Variants in RBM44 observed in about 807,000 individuals in gnomAD.
The protein encoded by RBM44 is RNA-binding protein 44.
A neutral mutation model predicts 105.1 loss-of-function variants in RBM44; 66 were observed. The observed-to-expected ratio is 0.63, with a 90% CI of 0.52 to 0.77. The LOEUF (loss-of-function observed/expected upper bound fraction) is 0.77. Ranked by LOEUF, RBM44 falls within the 30% of genes least tolerant of loss-of-function variation. The probability of loss-of-function intolerance (pLI) is 0.00; values close to 1 mark genes in which losing one functional copy is unlikely to be tolerated. For missense variants in RBM44, 1,122 were observed against 1,207.8 expected, an observed-to-expected ratio of 0.93 and a Z score of 1.05; for synonymous variants, 365 against 417.6, an observed-to-expected ratio of 0.87 and a Z score of 1.54.
chr2:237,830,660 ATGATCCTATTTCTGT>A (rs1183989166), intron 13 of RBM44, among the ~76,000 whole-genome samples: 18 of 152,174 alleles, frequency 1.2e-4, no homozygotes, highest in Non-Finnish European at 2.4e-4. Context: ...TGTTAAAAAG[ATGATCCTATTTCTGT>A]TGAATTACCT....
rs1257996364 is a variant in RBM44, at chr2:237,816,993, A to G, written c.74A>G (p.Asp25Gly). Residue 25 changes from aspartate (D) to glycine (G), a missense_variant and splice_region_variant, in exon 3 of 16, where the codon GAT (aspartate) becomes GGT (glycine). By Grantham distance (94) the Asp-to-Gly change is moderately conservative. Transcript: ENST00000316997. The part of the protein sequence containing the change: ...YHSNGGNLQK[D>G]KPSNPKKENL... ...ATGTTTTTATCCTTTTTTTAATCAG[A>G]TAAACCTTCAAATCCAAAGAAAGAA... 19 of 1,497,398 alleles carry G rather than the reference A, an allele frequency of 1.3e-5. No homozygotes were observed. In the Admixed American group the frequency reaches 4.3e-4, roughly 34 times the overall value. 92.8% of individuals were successfully genotyped at this position (1,497,398 alleles called of 1,614,324 possible).
At chr2:237,836,438 T>C (rs2061960166) in intron 15 of RBM44, among the ~76,000 whole-genome samples, 1 of 152,138 alleles carries the variant, frequency 6.6e-6, no homozygotes, top group South Asian at 2.1e-4. Context: ...TCCTAAGTGC[T>C]AGAACTACAG....
chr2:237,823,014 A>C lies in RBM44; in HGVS notation c.2206-426A>C, dbSNP rs186585940. Among the ~76,000 whole-genome samples, 935 of 152,128 alleles carry C rather than the reference A, an allele frequency of 6.1e-3. 5 individuals carry two copies. The highest frequency in any genetic ancestry group is 9.5e-3 in the Non-Finnish European group (646 of 67,922). ...TAAATGTAAACAATAACTATTACAT[A>C]TAGGAAAGAAATATTGCTTCTCGTA... On this transcript the variant is annotated intron_variant, in intron 8 of 15. Coordinates refer to ENST00000316997, the MANE Select transcript of RBM44 (RefSeq NM_001080504.3).
chr2:237,829,377 TC>T lies in RBM44; in HGVS notation c.2762del (p.Ser921Ter). The T allele has an allele frequency of 2.5e-6, 4 of 1,613,680 alleles. No homozygotes were observed. Among genetic ancestry groups the T allele is most frequent in the Non-Finnish European group, 3.4e-6 (4 of 1,179,710 alleles). On this transcript the variant is annotated frameshift_variant, in exon 13 of 16. Coordinates refer to ENST00000316997, the MANE Select transcript of RBM44 (RefSeq NM_001080504.3). LOFTEE classifies it high-confidence loss of function. The part of the protein sequence containing the change: ...LSSKNGNRIS[S>X]NNLEKSTNKQ... ...CTCCAAAAATGGGAATAGAATTAGT[TC>T]GAATAATTTAGAGAAAAGCACCAAC...
chr2:237,810,827 A>G (rs1279723041), intron 1 of RBM44, among the ~76,000 whole-genome samples: 1 of 152,122 alleles, frequency 6.6e-6, no homozygotes, highest in African/African-American at 2.4e-5. Flanking sequence ...GCTTAGGAGG[A>G]TCTGAGGGTG....
At chr2:237,800,971 G>A (rs1038601929) in intron 1 of RBM44, among the ~76,000 whole-genome samples, 6 of 152,126 alleles carry the variant, frequency 3.9e-5, no homozygotes, top group Non-Finnish European at 5.9e-5. Context: ...CACCCACCTC[G>A]GCCTCCCAAA....
chr2:237,831,208 C>G (rs2061899284), intron 13 of RBM44, among the ~76,000 whole-genome samples: 1 of 137,096 alleles, frequency 7.3e-6, no homozygotes, highest in African/African-American at 2.8e-5. Flanking sequence ...ACTTTGCATT[C>G]CTTTAACTTT....
rs1322806524 is a variant in RBM44, at chr2:237,821,177, G to A, written c.2020G>A (p.Gly674Ser). ...YVTLKEKIHK[G>S]IPLEELPPLS... The stretch of plus-strand genomic sequence containing the variant: ...GACTTTGAAAGAAAAAATACACAAA[G>A]GCATACCACTGGAAGAGCTGCCCCC... The change falls in exon 6 of 16, where the codon GGC (glycine) becomes AGC (serine). Residue 674 changes from glycine to serine, a missense_variant. Physicochemically the swap from Gly to Ser is moderately conservative, Grantham distance 56. Coordinates refer to ENST00000316997, the MANE Select transcript of RBM44 (RefSeq NM_001080504.3). The A allele has an allele frequency of 6.2e-7, 1 of 1,610,514 alleles. No homozygotes were observed. Among genetic ancestry groups the A allele is most frequent in the African/African-American group, 1.3e-5 (1 of 74,688 alleles).
At chr2:237,831,773 G>C (rs908285597) in intron 13 of RBM44, among the ~76,000 whole-genome samples, 1 of 152,002 alleles carries the variant, frequency 6.6e-6, no homozygotes, top group African/African-American at 2.4e-5. Context: ...TACTTTACCT[G>C]TTTGACACTG....
intron 2 of RBM44, 23 bp downstream of exon 2, chr2:237,813,705 CT>C: frequency 6.7e-7 from 1 of 1,495,866 alleles, no homozygotes; most frequent in Non-Finnish European, 9.3e-7. Context: ...TCCACTTACC[CT>C]TATTCTTGGT....
At chr2:237,801,887 T>A (rs1266886206) in intron 1 of RBM44, among the ~76,000 whole-genome samples, 1 of 152,248 alleles carries the variant, frequency 6.6e-6, no homozygotes, top group Non-Finnish European at 1.5e-5. Flanking sequence ...ATTGTCTTAT[T>A]TAACTTTGTG....
chr2:237,839,073 C>A (rs2061985824), intron 15 of RBM44, among the ~76,000 whole-genome samples: 1 of 152,164 alleles, frequency 6.6e-6, no homozygotes, highest in African/African-American at 2.4e-5. Flanking sequence ...ACCCCCACCC[C>A]AAAATCACAA....
intron 10 of RBM44, 117 bp downstream of exon 10, chr2:237,824,536 G>A: frequency 1.3e-6 from 1 of 799,720 alleles, no homozygotes; most frequent in Non-Finnish European, 1.8e-6. Flanking sequence ...TTCCTGTTTT[G>A]GCTTTTCTTT....
intron 1 of RBM44, among the ~76,000 whole-genome samples, chr2:237,800,233 T>C (rs1447456072): frequency 6.6e-6 from 1 of 152,240 alleles, no homozygotes; most frequent in African/African-American, 2.4e-5. Context: ...TCTTGATAAA[T>C]TGAGCATATT....
In RBM44 at chr2:237,827,493, A is replaced by G. The variant is rs536325151; in HGVS notation, c.2590A>G (p.Thr864Ala). 3.3e-5 allele frequency: 50 copies of G among 1,496,802 alleles called. No homozygotes were observed. The highest frequency in any genetic ancestry group is 4.0e-5 in the Admixed American group (2 of 50,626). 92.7% of individuals were successfully genotyped at this position (1,496,802 alleles called of 1,614,324 possible). The change falls in exon 12 of 16, where the codon ACT (threonine) becomes GCT (alanine). Residue 864 changes from threonine to alanine, a missense_variant. Transcript: ENST00000316997. ...QVSEISIYDS[T>A]NYRYASLAFT... ...TTCTGAAATTTCAATTTATGATTCT[A>G]CTAATTACAGGTGTGTTTCCCAACT...
At chr2:237,834,519 AAAT>A (rs2061937506) in intron 15 of RBM44, 96 bp downstream of exon 15, 3 of 576,948 alleles carry the variant, frequency 5.2e-6, no homozygotes, top group Non-Finnish European at 8.3e-6. Flanking sequence ...ATTAAATTTA[AAAT>A]AATAATATAA....
chr2:237,802,683 C>T (rs1340475827), intron 1 of RBM44, among the ~76,000 whole-genome samples: 1 of 152,130 alleles, frequency 6.6e-6, no homozygotes, highest in African/African-American at 2.4e-5. Context: ...GCCTGTTGTG[C>T]TTCATAGAGC....
chr2:237,825,403 A>C (rs2061838060), intron 10 of RBM44, among the ~76,000 whole-genome samples: 1 of 152,088 alleles, frequency 6.6e-6, no homozygotes, highest in South Asian at 2.1e-4. Context: ...ACGGGGTTTC[A>C]CCAGGTTGGC....
chr2:237,834,371 A>T lies in RBM44; in HGVS notation c.3126A>T (p.Ser1042=), dbSNP rs761262484. ...TTACTACTATTGTGGAGATGACTTC[A>T]TCTCTTCTGAAAAACTCTGCTTCCA... ...LSITTIVEMT[S]SLLKNSASS is the part of the protein sequence containing the mutation. Residue 1042 remains serine (S), a synonymous_variant, in exon 15 of 16, where the codon TCA becomes TCT. Coordinates refer to ENST00000316997, the MANE Select transcript of RBM44 (RefSeq NM_001080504.3). The T allele has an allele frequency of 6.5e-7, 1 of 1,536,680 alleles. No homozygotes were observed. The highest frequency in any genetic ancestry group is 1.4e-5 in the African/African-American group (1 of 72,736).
Sources: allele counts gnomAD v4.1 joint callset (sites outside exome capture counted in the v4.1 genomes callset), GRCh38; gene constraint gnomAD v4.1.1; transcripts MANE v1.5; gene names NCBI Gene and HGNC (gene_info 2026-07-23, HGNC 2026-07-21).